Variants in DYM observed in about 807,000 individuals in gnomAD.
DYM encodes dymeclin.
DYM carries 78 observed loss-of-function variants against 93.1 expected under a neutral mutation model. The observed-to-expected ratio is 0.84, with a 90% CI of 0.70 to 1.01. The LOEUF is 1.01. DYM is among the 50% of genes least tolerant of loss of function. DYM has a pLI of 0.00. For missense variants in DYM, 789 were observed against 845.0 expected (o/e 0.93, Z 0.82); for synonymous variants, 321 against 319.7 (o/e 1.00, Z -0.04).
intron 13 of DYM, among the ~76,000 whole-genome samples, chr18:49,223,086 CTA>C (rs1378259196): frequency 1.3e-5 from 2 of 152,066 alleles, no homozygotes; most frequent in African/African-American, 4.8e-5. Flanking sequence ...GATCTATCAT[CTA>C]GAGTTAATTT....
At chr18:49,242,697 G>A (rs1176710986) in intron 13 of DYM, among the ~76,000 whole-genome samples, 3 of 152,074 alleles carry the variant, frequency 2.0e-5, no homozygotes, top group Non-Finnish European at 2.9e-5. Context: ...CGTTATTTTT[G>A]TTTGTTTGTT....
chr18:49,349,447 A>G (rs2064925760), intron 6 of DYM, among the ~76,000 whole-genome samples: 2 of 152,208 alleles, frequency 1.3e-5, no homozygotes, highest in African/African-American at 4.8e-5. Flanking sequence ...CAAATATTCC[A>G]AAATTGTAAC....
At chr18:49,391,748 G>T in intron 2 of DYM, 103 bp from the exon 3 acceptor site, 2 of 1,004,330 alleles carry the variant, frequency 2.0e-6, no homozygotes, top group Non-Finnish European at 3.0e-6. Flanking sequence ...TAATTTAGAA[G>T]AAAAATATGG....
At chr18:49,169,005 G>A (rs2088293430) in intron 14 of DYM, among the ~76,000 whole-genome samples, 1 of 152,036 alleles carries the variant, frequency 6.6e-6, no homozygotes, top group Admixed American at 6.6e-5. Context: ...AGACAAGAGG[G>A]GCCAAATAAG....
chr18:49,337,967 T>C (rs2063797507), intron 6 of DYM, among the ~76,000 whole-genome samples: 2 of 151,456 alleles, frequency 1.3e-5, no homozygotes, highest in East Asian at 1.9e-4. Flanking sequence ...TAAAAGAAGG[T>C]GGGGGAAAGG....
At chr18:49,192,472 A>T (rs1334160644) in intron 14 of DYM, among the ~76,000 whole-genome samples, 1 of 151,610 alleles carries the variant, frequency 6.6e-6, no homozygotes, top group Non-Finnish European at 1.5e-5. Context: ...TAAGGGTTCG[A>T]TTTCCCTCTT....
intron 5 of DYM, chr18:49,375,766 G>A (rs1325054947): frequency 2.6e-5 from 4 of 152,150 alleles, no homozygotes; most frequent in African/African-American, 9.7e-5. Flanking sequence ...TTGAGTCAGT[G>A]GACTGGGAGA....
intron 7 of DYM, among the ~76,000 whole-genome samples, chr18:49,332,411 T>C (rs1265238680): frequency 1.3e-5 from 2 of 152,124 alleles, no homozygotes; most frequent in Non-Finnish European, 2.9e-5. Flanking sequence ...CCACTTGAAC[T>C]CTTGAACTCC....
chr18:49,445,692 A>G (rs2082037335), intron 1 of DYM, among the ~76,000 whole-genome samples: 1 of 152,184 alleles, frequency 6.6e-6, no homozygotes, highest in Admixed American at 6.6e-5. Flanking sequence ...CTTTACTGAC[A>G]AAGCTGAAAA....
intron 11 of DYM, among the ~76,000 whole-genome samples, chr18:49,263,691 T>G (rs1185736776): frequency 2.0e-5 from 3 of 151,846 alleles, no homozygotes; most frequent in Non-Finnish European, 4.4e-5. Context: ...ATCGTGCCAC[T>G]GCACTCCAGC....
At chr18:49,286,774 T>G (rs2145838103) in intron 8 of DYM, among the ~76,000 whole-genome samples, 158 bp from the exon 9 acceptor site, 1 of 152,308 alleles carries the variant, frequency 6.6e-6, no homozygotes, top group Non-Finnish European at 1.5e-5. Flanking sequence ...AGAAAATCCT[T>G]GCTATAAAAA....
chr18:49,344,277 C>T (rs1255744429), intron 6 of DYM, among the ~76,000 whole-genome samples: 4 of 152,112 alleles, frequency 2.6e-5, no homozygotes, highest in Admixed American at 1.3e-4. Flanking sequence ...ACTGCTTCCT[C>T]GTTACCACGT....
intron 1 of DYM, among the ~76,000 whole-genome samples, chr18:49,441,294 TATAATTATATATAATTA>T (rs1568454982): frequency 0.06 from 2,991 of 49,772 alleles, 203 homozygotes; most frequent in Middle Eastern, 0.076. Context: ...TTATATATAA[TATAATTATATATAATTA>T]ATATATAATT....
chr18:49,094,763 A>C (rs2079390271), intron 17 of DYM, among the ~76,000 whole-genome samples: 1 of 152,230 alleles, frequency 6.6e-6, no homozygotes, highest in Admixed American at 6.5e-5. Context: ...TTACTTGCCC[A>C]AAATTGGAAG....
chr18:49,232,115 T>C (rs927422799), intron 13 of DYM, among the ~76,000 whole-genome samples: 11 of 152,194 alleles, frequency 7.2e-5, no homozygotes, highest in African/African-American at 2.7e-4. Context: ...ACTGAAATAC[T>C]ATTCATCCGA....
At chr18:49,346,153 G>A (rs1373227574) in intron 6 of DYM, among the ~76,000 whole-genome samples, 2 of 152,036 alleles carry the variant, frequency 1.3e-5, no homozygotes, top group Admixed American at 6.6e-5. Context: ...AACTGAAAAC[G>A]TTTCTACACA....
At chr18:49,177,701 C>T (rs946646520) in intron 14 of DYM, among the ~76,000 whole-genome samples, 1 of 152,110 alleles carries the variant, frequency 6.6e-6, no homozygotes, top group African/African-American at 2.4e-5. Flanking sequence ...TTGTCCTACA[C>T]ATTTTTCCCA....
chr18:49,274,535 A>T (rs887829592), intron 10 of DYM, among the ~76,000 whole-genome samples: 1 of 152,132 alleles, frequency 6.6e-6, no homozygotes, highest in Non-Finnish European at 1.5e-5. Flanking sequence ...ATCATATGGT[A>T]ACTGTTTCAT....
intron 13 of DYM, among the ~76,000 whole-genome samples, chr18:49,218,983 G>T (rs1489660362): frequency 6.6e-6 from 1 of 152,056 alleles, no homozygotes; most frequent in Non-Finnish European, 1.5e-5. Flanking sequence ...TTTTTGAAAG[G>T]ATCAACAAAA....
Sources: allele counts gnomAD v4.1 joint callset (sites outside exome capture counted in the v4.1 genomes callset), GRCh38; gene constraint gnomAD v4.1.1; transcripts MANE v1.5; gene names NCBI Gene and HGNC (gene_info 2026-07-23, HGNC 2026-07-21).